The following HSD17B4 variants were observed in gnomAD, a reference collection of about 807,000 sequenced individuals.
HSD17B4 encodes peroxisomal multifunctional enzyme type 2.
HSD17B4 carries 70 observed loss-of-function variants against 101.0 expected under a neutral mutation model. The ratio of observed to expected loss-of-function variants is 0.69; its 90% confidence interval spans 0.57 to 0.85. HSD17B4 has a LOEUF of 0.85. HSD17B4 is among the 40% of genes least tolerant of loss of function. The pLI is 0.00. For synonymous variants in HSD17B4, 347 were observed against 297.1 expected (o/e 1.17, Z -1.73); for missense variants, 984 against 892.4 (o/e 1.10, Z -1.31).
At chr5:119,498,935 T>C (rs1166116653) in intron 12 of HSD17B4, among the ~76,000 whole-genome samples, 1 of 152,146 alleles carries the variant, frequency 6.6e-6, no homozygotes, top group African/African-American at 2.4e-5. Flanking sequence ...CATTAAGCAG[T>C]GTTTTACTCA....
chr5:119,525,408 T>C, intron 18 of HSD17B4, 123 bp downstream of exon 18: 2 of 703,286 alleles, frequency 2.8e-6, no homozygotes, highest in Non-Finnish European at 5.1e-6. Flanking sequence ...TGTTATTTTA[T>C]TTATTACATT....
intron 17 of HSD17B4, among the ~76,000 whole-genome samples, chr5:119,520,732 TC>T (rs1753044460): frequency 6.6e-6 from 1 of 152,192 alleles, no homozygotes; most frequent in South Asian, 2.1e-4. Context: ...GAAGAATAAG[TC>T]CATTCGAGGT....
chr5:119,537,599 A>G (rs987839959), intron 23 of HSD17B4, among the ~76,000 whole-genome samples: 1 of 152,090 alleles, frequency 6.6e-6, no homozygotes, highest in African/African-American at 2.4e-5. Context: ...ATAAAATCTC[A>G]AGTTAGAGAA....
At chr5:119,466,138 C>G (rs567152826) in intron 2 of HSD17B4, among the ~76,000 whole-genome samples, 247 of 152,262 alleles carry the variant, frequency 1.6e-3, no homozygotes, top group Non-Finnish European at 2.8e-3. Flanking sequence ...ACATAACCAT[C>G]GTTACATCTC....
chr5:119,453,825 G>A (rs1219297157), intron 1 of HSD17B4, among the ~76,000 whole-genome samples: 1 of 152,160 alleles, frequency 6.6e-6, no homozygotes, highest in African/African-American at 2.4e-5. Flanking sequence ...AAAACATTTT[G>A]TTTACACTTT....
intron 2 of HSD17B4, among the ~76,000 whole-genome samples, chr5:119,462,248 ATTTTT>A (rs10524491): frequency 4.7e-4 from 14 of 30,028 alleles, no homozygotes; most frequent in African/African-American, 9.7e-4. Flanking sequence ...AACAAATGTG[ATTTTT>A]TTTTTTTTTT....
chr5:119,488,398 G>T (rs1749798440), intron 8 of HSD17B4, among the ~76,000 whole-genome samples: 1 of 151,990 alleles, frequency 6.6e-6, no homozygotes, highest in Non-Finnish European at 1.5e-5. Flanking sequence ...TAGATAGAAG[G>T]AATAAATTCT....
chr5:119,507,329 C>G (rs970441719), intron 15 of HSD17B4, among the ~76,000 whole-genome samples: 3 of 152,136 alleles, frequency 2.0e-5, no homozygotes, highest in South Asian at 2.1e-4. Context: ...GGTAGTTAGG[C>G]TCCTAGACTT....
intron 8 of HSD17B4, among the ~76,000 whole-genome samples, chr5:119,488,623 T>A (rs554348475): frequency 4.2e-4 from 64 of 152,274 alleles, no homozygotes; most frequent in Middle Eastern, 3.4e-3. Flanking sequence ...CTATTATATA[T>A]TAATTTTTAA....
At position 119,489,255 on chromosome 5, in the gene HSD17B4, G is replaced by C. The variant is rs1202348286; in HGVS notation, c.686G>C (p.Ser229Thr). The C allele has an allele frequency of 1.2e-6, 2 of 1,612,520 alleles. No individual in the cohort carries two copies. Among genetic ancestry groups the C allele is most frequent in the Non-Finnish European group, 1.7e-6 (2 of 1,178,804 alleles). The change falls in exon 9 of 24, where the codon AGT (serine) becomes ACT (threonine). Residue 229 changes from serine to threonine, a missense_variant. Ser to Thr is a moderately conservative substitution (Grantham distance 58). Transcript: ENST00000510025. ...APLVLWLCHE[S>T]CEENGGLFEV... is the part of the protein sequence containing the mutation. ...CTTGTCCTTTGGCTTTGTCACGAGA[G>C]TTGTGAGGAGAATGGTGGCTTGTTT...
In HSD17B4 at chr5:119,536,693, T is replaced by C. The variant is rs942366705; in HGVS notation, c.2121+143T>C. On this transcript the variant is annotated intron_variant, in intron 23 of 23. Coordinates refer to ENST00000510025, the MANE Select transcript of HSD17B4 (RefSeq NM_000414.4). ...GATGACACAGTTGCTACTGATACTC[T>C]GGTTGACAGGTCATATATTTCTTTT... 6.7e-6 allele frequency: 5 copies of C among 751,142 alleles called. No homozygotes were observed. The African/African-American group carries it at 7.0e-5, about 10-fold the overall frequency. 46.5% of individuals were successfully genotyped at this position (751,142 alleles called of 1,614,324 possible). A position where few individuals can be genotyped will look rare whatever the true frequency, so the allele number is the denominator to read the frequency against.
intron 3 of HSD17B4, 105 bp from the exon 4 acceptor site, chr5:119,474,296 T>A (rs1748353993): frequency 1.3e-6 from 1 of 795,246 alleles, no homozygotes; most frequent in African/African-American, 1.7e-5. Flanking sequence ...TTCTTCTGAG[T>A]TCTGTTGGGT....
At chr5:119,514,911 A>G (rs1224004889) in intron 16 of HSD17B4, 70 bp from the exon 17 acceptor site, 1 of 884,000 alleles carries the variant, frequency 1.1e-6, no homozygotes, top group Admixed American at 1.7e-5. Context: ...TGTGTATCAA[A>G]TGTGAGTTTG....
intron 15 of HSD17B4, among the ~76,000 whole-genome samples, chr5:119,507,554 C>T (rs551842178): frequency 7.2e-5 from 11 of 152,028 alleles, no homozygotes; most frequent in East Asian, 3.9e-4. Flanking sequence ...GAGGCTGAGG[C>T]GGGCGGATCA....
chr5:119,498,013 A>G (rs1175544572), intron 12 of HSD17B4, among the ~76,000 whole-genome samples: 5 of 152,348 alleles, frequency 3.3e-5, no homozygotes, highest in Non-Finnish European at 7.3e-5. Context: ...ACATGGCTGC[A>G]AGTAAAATGC....
chr5:119,462,455 G>A (rs1755358338), intron 2 of HSD17B4, among the ~76,000 whole-genome samples: 1 of 151,788 alleles, frequency 6.6e-6, no homozygotes, highest in Non-Finnish European at 1.5e-5. Flanking sequence ...ATCTGTGAAA[G>A]TAGGAACAAT....
chr5:119,524,636 A>C (rs984652931), intron 17 of HSD17B4, among the ~76,000 whole-genome samples: 2 of 152,112 alleles, frequency 1.3e-5, no homozygotes, highest in East Asian at 3.9e-4. Flanking sequence ...TGCTAATCCT[A>C]CTTTATCTAA....
intron 9 of HSD17B4, among the ~76,000 whole-genome samples, chr5:119,489,690 T>A (rs978722144): frequency 2.0e-5 from 3 of 152,150 alleles, no homozygotes; most frequent in Admixed American, 6.5e-5. Context: ...CAACTACAAG[T>A]CATATTTTAA....
In HSD17B4 at chr5:119,529,897, C is replaced by T. The variant is rs1753911673; in HGVS notation, c.1771C>T (p.Gln591Ter). The part of the protein sequence containing the change: ...GNRIHFQTKV[Q>*]ETGDIVISNA... ...TTTTTTTTCTTCTCCTCCTAAGGTC[C>T]AAGAAACTGGAGACATTGTCATTTC... The change falls in exon 21 of 24, where the codon CAA becomes TAA. Residue 591 changes from glutamine to a stop codon, truncating the protein, a stop_gained. Coordinates refer to ENST00000510025, the MANE Select transcript of HSD17B4 (RefSeq NM_000414.4). LOFTEE classifies it high-confidence loss of function. The T allele has an allele frequency of 6.3e-7, 1 of 1,591,316 alleles. No individual in the cohort carries two copies. The highest frequency in any genetic ancestry group is 1.3e-5 in the African/African-American group (1 of 74,344).
Sources: allele counts gnomAD v4.1 joint callset (sites outside exome capture counted in the v4.1 genomes callset), GRCh38; gene constraint gnomAD v4.1.1; transcripts MANE v1.5; gene names NCBI Gene and HGNC (gene_info 2026-07-23, HGNC 2026-07-21).